BBS9: variants seen among roughly 807,000 people sequenced by gnomAD.
BBS9 encodes the protein protein PTHB1.
Under a neutral mutation model 117.7 loss-of-function variants are expected in BBS9, and 89 were observed. The observed-to-expected ratio is 0.76, with a 90% CI of 0.64 to 0.90. BBS9 has a LOEUF of 0.90. BBS9 is among the 40% of genes least tolerant of loss of function. BBS9 has a pLI of 0.00. For missense variants in BBS9, 982 were observed against 1,042.2 expected, an observed-to-expected ratio of 0.94 and a Z score of 0.80; for synonymous variants, 379 against 370.9, an observed-to-expected ratio of 1.02 and a Z score of -0.25.
chr7:33,559,570 C>G (rs915128964), intron 21 of BBS9, among the ~76,000 whole-genome samples: 1 of 152,100 alleles, frequency 6.6e-6, no homozygotes, highest in East Asian at 1.9e-4. Flanking sequence ...GACTTAACAG[C>G]CTGGTAATTA....
At chr7:33,151,612 C>A (rs35543773) in intron 2 of BBS9, among the ~76,000 whole-genome samples, 23,898 of 151,776 alleles carry the variant, frequency 0.16, 2,058 homozygotes, top group South Asian at 0.21. Context: ...TACAGTGGCA[C>A]TGTCTCGGCT....
At chr7:33,417,694 A>G (rs1366954760) in intron 19 of BBS9, among the ~76,000 whole-genome samples, 1 of 152,116 alleles carries the variant, frequency 6.6e-6, no homozygotes, top group Non-Finnish European at 1.5e-5. Flanking sequence ...AAGAAAGGAG[A>G]TTTTCTAGCT....
At position 33,508,439 on chromosome 7, in the gene BBS9, C is replaced by G. The variant is rs75137975; in HGVS notation, c.2298+2794C>G. On this transcript the variant is annotated intron_variant, in intron 20 of 22. Coordinates refer to ENST00000242067, the MANE Select transcript of BBS9 (RefSeq NM_198428.3). Reference sequence around the variant, plus strand: ...AAGCCTCTCAGGGCTACCAGTGTCCCCACTTAATCAGTCTAGACATAACAT... The same window carrying G: ...AAGCCTCTCAGGGCTACCAGTGTCCGCACTTAATCAGTCTAGACATAACAT... Among the ~76,000 whole-genome samples the G allele has an allele frequency of 2.8e-4, 42 of 152,266 alleles. No homozygotes were observed. The East Asian group carries it at 7.9e-3, about 29-fold the overall frequency.
intron 9 of BBS9, among the ~76,000 whole-genome samples, chr7:33,306,058 T>C (rs1354663076): frequency 6.6e-6 from 1 of 151,994 alleles, no homozygotes; most frequent in Non-Finnish European, 1.5e-5. Flanking sequence ...TTTGTATTTG[T>C]TTTTGCTATA....
intron 9 of BBS9, chr7:33,314,654 A>G (rs1350311108): frequency 3.3e-5 from 5 of 152,420 alleles, no homozygotes; most frequent in Admixed American, 6.5e-5. Context: ...GATAAACTTC[A>G]TAAAGAGTGG....
rs530456745 is a variant in BBS9, at chr7:33,321,972, G to A, written c.1017-14469G>A. Among the ~76,000 whole-genome samples, 4 of 151,922 alleles carry A rather than the reference G, an allele frequency of 2.6e-5. No homozygotes were observed. The South Asian group carries it at 6.2e-4, about 24-fold the overall frequency. ...TCAAATACTTTTTTCAGCATCAATC[G>A]AAATGATCATATGGTTTTTGTCCTT... On this transcript the variant is annotated intron_variant, in intron 9 of 22. Transcript: ENST00000242067.
chr7:33,235,200 C>T (rs1793250833), intron 5 of BBS9, among the ~76,000 whole-genome samples: 1 of 152,208 alleles, frequency 6.6e-6, no homozygotes, highest in African/African-American at 2.4e-5. Flanking sequence ...TTTATGTTTA[C>T]ACATGAAAAT....
At chr7:33,155,152 A>G (rs1793914631) in intron 3 of BBS9, among the ~76,000 whole-genome samples, 1 of 152,246 alleles carries the variant, frequency 6.6e-6, no homozygotes, top group Admixed American at 6.5e-5. Context: ...CAGATATGGA[A>G]GTGATATATG....
chr7:33,392,739 T>C (rs544083982), intron 19 of BBS9, among the ~76,000 whole-genome samples: 1 of 152,354 alleles, frequency 6.6e-6, no homozygotes, highest in African/African-American at 2.4e-5. Context: ...ATGTCTTTTC[T>C]TCTATACTTT....
At chr7:33,527,788 T>G (rs1849870807) in intron 20 of BBS9, among the ~76,000 whole-genome samples, 1 of 152,178 alleles carries the variant, frequency 6.6e-6, no homozygotes, top group South Asian at 2.1e-4. Context: ...GCTGTTTTAT[T>G]TTTCAAAGGT....
intron 4 of BBS9, among the ~76,000 whole-genome samples, chr7:33,163,482 C>T (rs1052219814): frequency 1.3e-5 from 2 of 152,036 alleles, no homozygotes; most frequent in African/African-American, 4.8e-5. Flanking sequence ...GGTTGGTATG[C>T]TATTAATTAT....
At chr7:33,212,426 A>G (rs1441392206) in intron 5 of BBS9, among the ~76,000 whole-genome samples, 2 of 151,764 alleles carry the variant, frequency 1.3e-5, no homozygotes, top group African/African-American at 4.8e-5. Context: ...AATTATGTCA[A>G]TCTCTTTGTT....
chr7:33,183,410 G>C (rs73095378), intron 5 of BBS9, among the ~76,000 whole-genome samples: 2 of 152,008 alleles, frequency 1.3e-5, no homozygotes, highest in Admixed American at 1.3e-4. Flanking sequence ...TAAAATGTAC[G>C]TATAACTTGG....
chr7:33,270,366 G>A (rs1173758626), intron 7 of BBS9, among the ~76,000 whole-genome samples: 1 of 152,108 alleles, frequency 6.6e-6, no homozygotes, highest in Non-Finnish European at 1.5e-5. Context: ...GGGCTGAGAT[G>A]GCTAAAATGA....
At chr7:33,463,800 A>G (rs969496470) in intron 19 of BBS9, among the ~76,000 whole-genome samples, 6 of 152,148 alleles carry the variant, frequency 3.9e-5, no homozygotes, top group Non-Finnish European at 8.8e-5. Context: ...TTATGGAAAT[A>G]TTAAACTTAA....
intron 21 of BBS9, among the ~76,000 whole-genome samples, chr7:33,557,070 A>T (rs1334418559): frequency 6.6e-6 from 1 of 152,154 alleles, no homozygotes; most frequent in Non-Finnish European, 1.5e-5. Context: ...TAACAAGACC[A>T]GTTGCCTTTC....
At chr7:33,368,312 A>C (rs1822182753) in intron 17 of BBS9, among the ~76,000 whole-genome samples, 1 of 152,164 alleles carries the variant, frequency 6.6e-6, no homozygotes, top group Non-Finnish European at 1.5e-5. Context: ...TGACAGTGAA[A>C]GTGGATAGCT....
At chr7:33,469,711 A>G (rs1840700239) in intron 19 of BBS9, among the ~76,000 whole-genome samples, 1 of 152,100 alleles carries the variant, frequency 6.6e-6, no homozygotes, top group Non-Finnish European at 1.5e-5. Context: ...ACCTCACCCC[A>G]CAACTTTCCC....
intron 9 of BBS9, among the ~76,000 whole-genome samples, chr7:33,305,618 C>T (rs1358023649): frequency 6.6e-6 from 1 of 152,000 alleles, no homozygotes; most frequent in Non-Finnish European, 1.5e-5. Flanking sequence ...TTTGGATTTC[C>T]TCATGGTTCA....
Sources: gnomAD v4.1 joint callset for allele counts (sites outside exome capture counted in the v4.1 genomes callset) on GRCh38, gnomAD v4.1.1 for gene constraint, MANE v1.5 for transcripts, NCBI Gene and HGNC (gene_info 2026-07-23, HGNC 2026-07-21) for gene names.